The following PTPRT variants were observed in gnomAD, a reference collection of about 807,000 sequenced individuals.
PTPRT encodes the protein receptor-type tyrosine-protein phosphatase T.
A neutral mutation model predicts 176.8 loss-of-function variants in PTPRT; 56 were observed. That is an observed-to-expected ratio of 0.32 (90% CI 0.26 to 0.40). The LOEUF (loss-of-function observed/expected upper bound fraction) is 0.40, where lower values mean the gene tolerates loss of function less well. PTPRT is among the 10% of genes least tolerant of loss of function. The pLI is 1.00. For synonymous variants in PTPRT, 783 were observed against 739.0 expected, an observed-to-expected ratio of 1.06 and a Z score of -0.96; for missense variants, 1,540 against 1,908.2, an observed-to-expected ratio of 0.81 and a Z score of 3.60.
intron 2 of PTPRT, among the ~76,000 whole-genome samples, chr20:42,834,256 A>G (rs1377273103): frequency 6.6e-6 from 1 of 152,194 alleles, no homozygotes; most frequent in Non-Finnish European, 1.5e-5. Flanking sequence ...AAAGATGTTC[A>G]ACATCATTAC....
intron 7 of PTPRT, among the ~76,000 whole-genome samples, chr20:42,626,928 G>A (rs905954517): frequency 6.6e-6 from 1 of 152,194 alleles, no homozygotes; most frequent in Non-Finnish European, 1.5e-5. Flanking sequence ...GAATTCCCTG[G>A]ATGAGAACCA....
At chr20:42,596,075 A>T (rs1171615910) in intron 7 of PTPRT, among the ~76,000 whole-genome samples, 1 of 152,196 alleles carries the variant, frequency 6.6e-6, no homozygotes, top group Non-Finnish European at 1.5e-5. Flanking sequence ...TCCACTGGTA[A>T]TAAAGGCAGG....
At chr20:42,849,472 C>T (rs574705614) in intron 2 of PTPRT, among the ~76,000 whole-genome samples, 13 of 152,302 alleles carry the variant, frequency 8.5e-5, no homozygotes, top group Admixed American at 7.2e-4. Context: ...GATGCAGGCA[C>T]TGTCCAGTGG....
chr20:42,037,347 C>A, the PTPRT span, among the ~76,000 whole-genome samples: 1 of 152,154 alleles, frequency 6.6e-6, no homozygotes, highest in Non-Finnish European at 1.5e-5. Context: ...CCTTCCCCAC[C>A]TGGTCTGCAG....
intron 1 of PTPRT, among the ~76,000 whole-genome samples, chr20:42,962,490 C>T (rs1158700273): frequency 2.0e-5 from 3 of 151,674 alleles, no homozygotes; most frequent in African/African-American, 7.3e-5. Context: ...AAATAAGCTA[C>T]ACTGAATGTC....
intron 2 of PTPRT, among the ~76,000 whole-genome samples, chr20:42,835,149 T>C (rs751515969): frequency 6.6e-6 from 1 of 152,132 alleles, no homozygotes; most frequent in Non-Finnish European, 1.5e-5. Context: ...GATATTAAAC[T>C]AGGAAGCTGG....
At chr20:42,572,228 G>A (rs1178207594) in intron 7 of PTPRT, among the ~76,000 whole-genome samples, 1 of 152,098 alleles carries the variant, frequency 6.6e-6, no homozygotes, top group Admixed American at 6.6e-5. Context: ...CTTCCTAAAG[G>A]TCCCACCTCT....
intron 2 of PTPRT, among the ~76,000 whole-genome samples, chr20:42,843,466 A>G (rs1232838016): frequency 6.6e-6 from 1 of 152,216 alleles, no homozygotes; most frequent in Non-Finnish European, 1.5e-5. Context: ...TGGGAAACAG[A>G]GTCTCCAGAA....
At chr20:42,845,596 C>A (rs2078356523) in intron 2 of PTPRT, among the ~76,000 whole-genome samples, 1 of 152,110 alleles carries the variant, frequency 6.6e-6, no homozygotes, top group Non-Finnish European at 1.5e-5. Flanking sequence ...CTGCTATACC[C>A]ACGTGGGTCA....
At chr20:42,745,120 C>T (rs2076673641) in intron 6 of PTPRT, among the ~76,000 whole-genome samples, 1 of 152,126 alleles carries the variant, frequency 6.6e-6, no homozygotes, top group African/African-American at 2.4e-5. Flanking sequence ...GAGGGAAGGC[C>T]AAGCATCACT....
At chr20:42,781,112 C>A (rs1569152915) in intron 3 of PTPRT, among the ~76,000 whole-genome samples, 1 of 152,076 alleles carries the variant, frequency 6.6e-6, no homozygotes, top group Non-Finnish European at 1.5e-5. Context: ...CTCCTCTTGA[C>A]CTGCTCCTCA....
chr20:42,809,850 CT>C (rs2077670619), intron 2 of PTPRT, among the ~76,000 whole-genome samples: 1 of 152,128 alleles, frequency 6.6e-6, no homozygotes, highest in South Asian at 2.1e-4. Context: ...CTGCAAAGAT[CT>C]TTTTTCTACA....
Position 42,791,349 on chromosome 20 carries a change from C to T in PTPRT, c.332G>A (p.Ser111Asn), listed in dbSNP as rs2145548989. The change falls in exon 3 of 31, where the codon AGC becomes AAC. Residue 111 changes from serine to asparagine, a missense_variant. Physicochemically the swap from Ser to Asn is conservative, Grantham distance 46. Around this residue, in one of 11 missense-constraint regions of PTPRT, gnomAD observed 273 missense variants for 432.1 expected, o/e 0.63. Transcript: ENST00000373187. The stretch of plus-strand genomic sequence containing the variant: ...GGCCCCTGGGCTGGACCTGTCACGG[C>T]TGGAGAAGTAGTAATGGAAGTCGAT... ...HCIDFHYYFS[S>N]RDRSSPGALN... 1 of 1,614,208 alleles carries T rather than the reference C, an allele frequency of 6.2e-7. No individual in the cohort carries two copies. The highest frequency in any genetic ancestry group is 8.5e-7 in the Non-Finnish European group (1 of 1,180,032).
At chr20:43,179,928 G>A (rs181961547) in intron 1 of PTPRT, among the ~76,000 whole-genome samples, 3 of 152,150 alleles carry the variant, frequency 2.0e-5, no homozygotes, top group African/African-American at 4.8e-5. Context: ...GTGTCAACTC[G>A]GCTGGGCTAA....
At chr20:42,865,406 T>C (rs1450018877) in intron 2 of PTPRT, among the ~76,000 whole-genome samples, 2 of 152,200 alleles carry the variant, frequency 1.3e-5, no homozygotes, top group Non-Finnish European at 2.9e-5. Flanking sequence ...TGTTTCCAAA[T>C]AGCTGAACAC....
chr20:43,124,367 G>C lies in PTPRT; in HGVS notation c.88+65279C>G, dbSNP rs1460421003. Among the ~76,000 whole-genome samples the C allele has an allele frequency of 3.3e-5, 5 of 152,240 alleles. No individual in the cohort carries two copies. In the East Asian group the frequency reaches 9.7e-4, roughly 29 times the overall value. ...TGCATGTTCTTCTCAGGAGACCCCA[G>C]TCAACTATAAATTAGATTCTGCACA... On this transcript the variant is annotated intron_variant, in intron 1 of 30. Transcript: ENST00000373187.
chr20:42,798,228 ATTG>A (rs2077480406), intron 2 of PTPRT, among the ~76,000 whole-genome samples: 1 of 152,158 alleles, frequency 6.6e-6, no homozygotes, highest in Non-Finnish European at 1.5e-5. Flanking sequence ...GCACTTCTGA[ATTG>A]TTGTTCCTAT....
chr20:42,623,985 G>A (rs1283107357), intron 7 of PTPRT, among the ~76,000 whole-genome samples: 1 of 107,592 alleles, frequency 9.3e-6, no homozygotes, highest in Non-Finnish European at 1.9e-5. Flanking sequence ...CCAGCCCCAC[G>A]AAGGAAAACA....
At chr20:42,986,242 T>C (rs1166607012) in intron 1 of PTPRT, among the ~76,000 whole-genome samples, 1 of 152,250 alleles carries the variant, frequency 6.6e-6, no homozygotes, top group Non-Finnish European at 1.5e-5. Context: ...GATTTTCTTC[T>C]GTACCAGAAT....
Sources: allele counts gnomAD v4.1 joint callset (sites outside exome capture counted in the v4.1 genomes callset), GRCh38; gene constraint gnomAD v4.1.1; regional missense constraint gnomAD v4.1.1; transcripts MANE v1.5; gene names NCBI Gene and HGNC (gene_info 2026-07-23, HGNC 2026-07-21).